MARCHF11: variants seen among roughly 807,000 people sequenced by gnomAD.
The protein encoded by MARCHF11 is membrane associated ring-CH-type finger 11, also known as E3 ubiquitin-protein ligase MARCHF11.
In MARCHF11, 29 loss-of-function variants were observed where a neutral mutation model predicts 37.3. That is an observed-to-expected ratio of 0.78 (90% CI 0.58 to 1.06). MARCHF11 has a LOEUF of 1.06. MARCHF11 is among the 50% of genes least tolerant of loss of function. The probability of loss-of-function intolerance (pLI) is 0.00; values close to 1 mark genes in which losing one functional copy is unlikely to be tolerated. For missense variants in MARCHF11, 482 were observed against 533.4 expected (o/e 0.90, Z 0.95); for synonymous variants, 233 against 228.0 (o/e 1.02, Z -0.20).
At chr5:16,068,513 G>C (rs905414565) in intron 3 of MARCHF11, among the ~76,000 whole-genome samples, 2 of 152,178 alleles carry the variant, frequency 1.3e-5, no homozygotes, top group Non-Finnish European at 2.9e-5. Context: ...TTCAAAAACA[G>C]GCAGGCTTGC....
At chr5:16,097,283 T>C (rs577762243) in intron 2 of MARCHF11, among the ~76,000 whole-genome samples, 1 of 152,342 alleles carries the variant, frequency 6.6e-6, no homozygotes, top group East Asian at 1.9e-4. Flanking sequence ...CCTTTCTTTG[T>C]AGAGCTGTAT....
At chr5:16,118,990 T>C (rs1347615257) in intron 2 of MARCHF11, among the ~76,000 whole-genome samples, 8 of 152,252 alleles carry the variant, frequency 5.3e-5, no homozygotes, top group Admixed American at 4.6e-4. Flanking sequence ...CTCTATTTCT[T>C]AGAGTGAGGG....
intron 2 of MARCHF11, among the ~76,000 whole-genome samples, chr5:16,157,162 A>G (rs568780463): frequency 1.8e-4 from 27 of 150,376 alleles, no homozygotes; most frequent in African/African-American, 6.7e-4. Context: ...GGTAATGTGC[A>G]CTGAAAACTA....
intron 2 of MARCHF11, among the ~76,000 whole-genome samples, chr5:16,168,675 G>A (rs1226637563): frequency 1.3e-5 from 2 of 152,158 alleles, no homozygotes; most frequent in Non-Finnish European, 1.5e-5. Flanking sequence ...TCTTTCCATG[G>A]GGCTGGAGGT....
At chr5:16,129,016 T>C (rs1018581330) in intron 2 of MARCHF11, among the ~76,000 whole-genome samples, 1 of 152,214 alleles carries the variant, frequency 6.6e-6, no homozygotes, top group African/African-American at 2.4e-5. Flanking sequence ...TCAACATTTA[T>C]ATTTTTATGC....
At chr5:16,177,960 TC>T in intron 1 of MARCHF11, 79 bp from the exon 2 acceptor site, 2 of 1,401,454 alleles carry the variant, frequency 1.4e-6, no homozygotes, top group South Asian at 3.1e-5. Flanking sequence ...TTCTTTTCTT[TC>T]AAAGCCATTT....
chr5:16,125,617 CTCTGTGTGTGTGTG>C (rs1463532419), intron 2 of MARCHF11, among the ~76,000 whole-genome samples: 144 of 117,024 alleles, frequency 1.2e-3, no homozygotes, highest in African/African-American at 4.4e-3. Flanking sequence ...CTGGCACACT[CTCTGTGTGTGTGTG>C]TGTGTGTGTG....
At chr5:16,145,946 T>C (rs982744860) in intron 2 of MARCHF11, among the ~76,000 whole-genome samples, 1 of 152,202 alleles carries the variant, frequency 6.6e-6, no homozygotes, top group African/African-American at 2.4e-5. Flanking sequence ...GAGGGTTTTA[T>C]GTGAAAGCAT....
At chr5:16,170,048 A>T (rs977998587) in intron 2 of MARCHF11, among the ~76,000 whole-genome samples, 6 of 152,134 alleles carry the variant, frequency 3.9e-5, no homozygotes, top group African/African-American at 1.4e-4. Flanking sequence ...TATTGTATTC[A>T]CCGGTGGAAA....
At chr5:16,165,927 A>C (rs1166424730) in intron 2 of MARCHF11, among the ~76,000 whole-genome samples, 1 of 152,046 alleles carries the variant, frequency 6.6e-6, no homozygotes, top group East Asian at 1.9e-4. Context: ...TACATAAATT[A>C]TTTGGGAGGC....
At chr5:16,147,912 A>G (rs1240282627) in intron 2 of MARCHF11, among the ~76,000 whole-genome samples, 2 of 152,156 alleles carry the variant, frequency 1.3e-5, no homozygotes, top group South Asian at 4.1e-4. Context: ...TATGCATTCA[A>G]TGAGTACACT....
chr5:16,095,807 G>A (rs778625206), intron 2 of MARCHF11, among the ~76,000 whole-genome samples: 4 of 151,992 alleles, frequency 2.6e-5, no homozygotes, highest in Non-Finnish European at 4.4e-5. Context: ...AGCCGTGTCC[G>A]TCCCCATTGT....
chr5:16,073,848 A>C (rs1337878951), intron 3 of MARCHF11, among the ~76,000 whole-genome samples: 1 of 152,144 alleles, frequency 6.6e-6, no homozygotes, highest in East Asian at 1.9e-4. Flanking sequence ...ATAATGTAAA[A>C]AAGTAGCCCA....
chr5:16,177,268 T>G (rs1428618654), intron 2 of MARCHF11, among the ~76,000 whole-genome samples: 1 of 152,226 alleles, frequency 6.6e-6, no homozygotes. Flanking sequence ...ACATTCAGAT[T>G]AGAACTAATA....
chr5:16,139,760 T>C (rs976803855), intron 2 of MARCHF11, among the ~76,000 whole-genome samples: 2 of 152,110 alleles, frequency 1.3e-5, no homozygotes, highest in Non-Finnish European at 1.5e-5. Flanking sequence ...AATATAGTAA[T>C]GTTGAAATTA....
intron 2 of MARCHF11, among the ~76,000 whole-genome samples, chr5:16,134,209 A>G (rs1292754112): frequency 6.6e-6 from 1 of 152,210 alleles, no homozygotes; most frequent in East Asian, 1.9e-4. Context: ...CTCATAAGCC[A>G]TCTCCTATTA....
At chr5:16,095,442 G>A (rs940617482) in intron 2 of MARCHF11, among the ~76,000 whole-genome samples, 2 of 131,060 alleles carry the variant, frequency 1.5e-5, no homozygotes, top group African/African-American at 5.5e-5. Flanking sequence ...AAGAGGAAGA[G>A]AGGAAAGGAG....
chr5:16,157,950 A>T (rs1738004541), intron 2 of MARCHF11, among the ~76,000 whole-genome samples: 2 of 151,954 alleles, frequency 1.3e-5, no homozygotes, highest in Admixed American at 6.6e-5. Context: ...AGGAGTTAAT[A>T]TCCAAAACAT....
chr5:16,101,181 A>G (rs1736950963), intron 2 of MARCHF11, among the ~76,000 whole-genome samples: 1 of 152,128 alleles, frequency 6.6e-6, no homozygotes, highest in African/African-American at 2.4e-5. Context: ...GTAGATTTTC[A>G]TATTTGTCAG....
Sources: allele counts gnomAD v4.1 joint callset (sites outside exome capture counted in the v4.1 genomes callset), GRCh38; gene constraint gnomAD v4.1.1; transcripts MANE v1.5; gene names NCBI Gene and HGNC (gene_info 2026-07-23, HGNC 2026-07-21).